SNAP25: variants seen among roughly 807,000 people sequenced by gnomAD.
The protein encoded by SNAP25 is synaptosomal-associated protein 25.
In SNAP25, 3 loss-of-function variants were observed where a neutral mutation model predicts 28.7. That is an observed-to-expected ratio of 0.10 (90% confidence interval 0.05 to 0.27). The LOEUF is 0.27. Among genes scored for constraint, SNAP25 ranks in the 10% least tolerant of loss-of-function variants. The pLI is 1.00. For synonymous variants in SNAP25, 61 were observed against 88.1 expected, an observed-to-expected ratio of 0.69 and a Z score of 1.72; for missense variants, 117 against 278.7, an observed-to-expected ratio of 0.42 and a Z score of 4.13.
At chr20:10,230,162 G>A (rs2062804023) in intron 1 of SNAP25, among the ~76,000 whole-genome samples, 1 of 152,112 alleles carries the variant, frequency 6.6e-6, no homozygotes, top group Non-Finnish European at 1.5e-5. Flanking sequence ...TAGGCAGGCA[G>A]ATCCCAGAGA....
chr20:10,298,865 C>A (rs927305366), intron 6 of SNAP25, among the ~76,000 whole-genome samples: 1 of 152,056 alleles, frequency 6.6e-6, no homozygotes, highest in African/African-American at 2.4e-5. Flanking sequence ...TAATTTGAGT[C>A]TTAGAAATAT....
chr20:10,303,227 T>A (rs371836134), intron 7 of SNAP25, among the ~76,000 whole-genome samples: 1 of 152,152 alleles, frequency 6.6e-6, no homozygotes, highest in African/African-American at 2.4e-5. Context: ...AGGGAGGGCT[T>A]AAGAACCAAG....
chr20:10,228,991 G>C (rs1177110991), intron 1 of SNAP25, among the ~76,000 whole-genome samples: 1 of 152,078 alleles, frequency 6.6e-6, no homozygotes, highest in Non-Finnish European at 1.5e-5. Context: ...AAATGCCTTT[G>C]ATTAGCATCT....
intron 1 of SNAP25, among the ~76,000 whole-genome samples, chr20:10,258,519 G>T (rs2063358711): frequency 6.6e-6 from 1 of 152,186 alleles, no homozygotes; most frequent in Admixed American, 6.5e-5. Flanking sequence ...GCCACAAAAT[G>T]CTTCCTTCTC....
chr20:10,249,910 T>C (rs1211056089), intron 1 of SNAP25, among the ~76,000 whole-genome samples: 1 of 152,118 alleles, frequency 6.6e-6, no homozygotes, highest in African/African-American at 2.4e-5. Context: ...TCTCAAACTT[T>C]AGTGACCATC....
intron 3 of SNAP25, among the ~76,000 whole-genome samples, chr20:10,279,353 T>A (rs995370764): frequency 6.6e-6 from 1 of 152,230 alleles, no homozygotes; most frequent in East Asian, 1.9e-4. Flanking sequence ...TCATAATACA[T>A]CCTTATGGCT....
intron 1 of SNAP25, among the ~76,000 whole-genome samples, chr20:10,255,074 A>G (rs1426470503): frequency 6.6e-6 from 1 of 152,210 alleles, no homozygotes; most frequent in East Asian, 1.9e-4. Flanking sequence ...TCCCCAAGCC[A>G]TCAGGGCAGC....
intron 1 of SNAP25, among the ~76,000 whole-genome samples, chr20:10,227,726 A>T (rs2122641466): frequency 6.6e-6 from 1 of 152,274 alleles, no homozygotes; most frequent in South Asian, 2.1e-4. Context: ...AAAGCCATTC[A>T]CTAAGAGCAT....
intron 1 of SNAP25, among the ~76,000 whole-genome samples, chr20:10,261,828 T>C (rs2063419015): frequency 6.6e-6 from 1 of 152,162 alleles, no homozygotes; most frequent in African/African-American, 2.4e-5. Flanking sequence ...GTTCAGGATA[T>C]GGGGACCCTG....
intron 1 of SNAP25, among the ~76,000 whole-genome samples, chr20:10,249,077 C>G (rs1435093430): frequency 6.6e-6 from 1 of 152,224 alleles, no homozygotes; most frequent in Non-Finnish European, 1.5e-5. Context: ...CCAGTTTACT[C>G]TCATGGAAAA....
intron 7 of SNAP25, among the ~76,000 whole-genome samples, chr20:10,301,492 T>C (rs1275846054): frequency 2.0e-5 from 3 of 152,230 alleles, no homozygotes; most frequent in Non-Finnish European, 4.4e-5. Context: ...TCATGTCGCA[T>C]GAACTGCACA....
At chr20:10,259,589 C>T (rs941799330) in intron 1 of SNAP25, among the ~76,000 whole-genome samples, 3 of 151,802 alleles carry the variant, frequency 2.0e-5, no homozygotes, top group East Asian at 1.9e-4. Flanking sequence ...CCCAGGCTGG[C>T]GTGCTATAAT....
Sources: allele counts gnomAD v4.1 joint callset (sites outside exome capture counted in the v4.1 genomes callset), GRCh38; gene constraint gnomAD v4.1.1; transcripts MANE v1.5; gene names NCBI Gene and HGNC (gene_info 2026-07-23, HGNC 2026-07-21).